The following FAM107B variants were observed in gnomAD, a reference collection of about 807,000 sequenced individuals.
The protein encoded by FAM107B is protein FAM107B.
A neutral mutation model predicts 31.5 loss-of-function variants in FAM107B; 21 were observed. The ratio of observed to expected loss-of-function variants is 0.67; its 90% CI spans 0.47 to 0.96. The LOEUF (loss-of-function observed/expected upper bound fraction) is 0.96. Among genes scored for constraint, FAM107B ranks in the 40% least tolerant of loss-of-function variants. FAM107B has a pLI of 0.00. For missense variants in FAM107B, 452 were observed against 377.1 expected (o/e 1.20, Z -1.64); for synonymous variants, 157 against 141.5 (o/e 1.11, Z -0.78).
Position 14,573,350 on chromosome 10 carries a change from T to C in FAM107B, c.470-42835A>G, listed in dbSNP as rs1851350414. Among the ~76,000 whole-genome samples the C allele has an allele frequency of 2.0e-5, 3 of 152,178 alleles. No individual in the cohort carries two copies. In the South Asian group the frequency reaches 6.2e-4, roughly 32 times the overall value. ...CCCTTCCTCTTTTGCCCTTCCACCT[T>C]CCACCATGGGATGATGCAGCAAGAA... On this transcript the variant is annotated intron_variant, in intron 2 of 4. Transcript: ENST00000181796.
At chr10:14,737,766 TTCTCTC>T (rs11276189) in intron 1 of FAM107B, among the ~76,000 whole-genome samples, 25 of 127,048 alleles carry the variant, frequency 2.0e-4, no homozygotes, top group East Asian at 2.6e-4. Flanking sequence ...CGTGCACGCT[TTCTCTC>T]TCTCTCTCTC....
rs140975059 is a variant in FAM107B at position 14,565,789 on chromosome 10, A to G, written c.470-35274T>C. Among the ~76,000 whole-genome samples, 229 of 152,314 alleles carry G rather than the reference A, an allele frequency of 1.5e-3. 1 individual carries two copies. Among genetic ancestry groups the G allele is most frequent in the African/African-American group, 5.2e-3 (216 of 41,576 alleles). On this transcript the variant is annotated intron_variant, in intron 2 of 4. Transcript: ENST00000181796. The stretch of plus-strand genomic sequence containing the variant: ...GAAGGGGAGGCTGCAAAGGAGGCTG[A>G]AGGGGATAATCGAGCGAGAGAAGGA...
intron 1 of FAM107B, among the ~76,000 whole-genome samples, chr10:14,669,001 G>C (rs1854475498): frequency 6.6e-6 from 1 of 152,144 alleles, no homozygotes. Context: ...AATTTGCCCT[G>C]AGTTTGCCAG....
intron 2 of FAM107B, among the ~76,000 whole-genome samples, chr10:14,635,986 G>A (rs193098221): frequency 2.0e-5 from 3 of 152,128 alleles, no homozygotes; most frequent in Non-Finnish European, 4.4e-5. Context: ...GTGGAGCCAG[G>A]TGCACAATGA....
intron 2 of FAM107B, among the ~76,000 whole-genome samples, chr10:14,661,224 T>C (rs141032807): frequency 1.4e-3 from 210 of 152,332 alleles, no homozygotes; most frequent in African/African-American, 4.8e-3. Context: ...TTTACAGCAA[T>C]GCAAGAACGG....
rs71505032 is a variant in FAM107B, at chr10:14,626,499, C to CTTTT, written c.469+41131_469+41134dup. 1.8e-3 allele frequency among the ~76,000 whole-genome samples: 193 copies of CTTTT among 109,002 alleles called. 20 individuals carry two copies. The highest frequency in any genetic ancestry group is 1.9e-3 in the Non-Finnish European group (105 of 55,854). The allele number at this position is 109,002 out of a possible 152,430, so 71.5% of individuals were successfully genotyped here. On this transcript the variant is annotated intron_variant, in intron 2 of 4. Transcript: ENST00000181796. ...ACAAACTGTGGAATTTGAGGCGGATCTTTTTTTTCTTTTTTTTTTTTTGAG... is the reference window on the plus strand; with the variant it reads ...ACAAACTGTGGAATTTGAGGCGGATCTTTTTTTTTTTTCTTTTTTTTTTTTTGAG...
chr10:14,531,539 G>GAAAAAA (rs59782461), intron 2 of FAM107B, among the ~76,000 whole-genome samples: 11 of 120,678 alleles, frequency 9.1e-5, no homozygotes, highest in Admixed American at 8.2e-5. Context: ...TAAAAGAAAA[G>GAAAAAA]AAAAAAAAAA....
intron 1 of FAM107B, among the ~76,000 whole-genome samples, chr10:14,762,324 C>T (rs1588763351): frequency 6.6e-6 from 1 of 152,198 alleles, no homozygotes; most frequent in African/African-American, 2.4e-5. Context: ...TAGTTAGTCA[C>T]TGAAGGACCC....
rs1208404765 is a variant in FAM107B at position 14,530,413 on chromosome 10, C to T, written c.572G>A (p.Arg191Lys). ...TACAGGATTGATCAGTTTCTGAGGCCTAATGAGTTCAGGATTGTCATCTTC... is the reference window on the plus strand; with the variant it reads ...TACAGGATTGATCAGTTTCTGAGGCTTAATGAGTTCAGGATTGTCATCTTC... ...YIEDDNPELIRPQKLINPVKT... is the reference protein window; with the variant it reads ...YIEDDNPELIKPQKLINPVKT... Residue 191 changes from arginine (R) to lysine (K), a missense_variant, in exon 3 of 5, where the codon AGG becomes AAG. Arg to Lys is a conservative substitution (Grantham distance 26). Transcript: ENST00000181796. 2.5e-6 allele frequency: 4 copies of T among 1,613,910 alleles called. No individual in the cohort carries two copies. In the Admixed American group the frequency reaches 6.7e-5, roughly 27 times the overall value.
intron 2 of FAM107B, among the ~76,000 whole-genome samples, chr10:14,589,412 T>C (rs1363917791): frequency 6.6e-6 from 1 of 152,230 alleles, no homozygotes; most frequent in Non-Finnish European, 1.5e-5. Flanking sequence ...TTATTATAGC[T>C]AGTGATTTCC....
At chr10:14,689,351 G>A (rs1486507029) in intron 1 of FAM107B, among the ~76,000 whole-genome samples, 2 of 144,322 alleles carry the variant, frequency 1.4e-5, no homozygotes, top group East Asian at 4.1e-4. Context: ...CTGCACTTTA[G>A]CCTGGGCAAC....
chr10:14,676,161 A>C (rs1474618591), intron 1 of FAM107B, among the ~76,000 whole-genome samples: 1 of 152,104 alleles, frequency 6.6e-6, no homozygotes, highest in Non-Finnish European at 1.5e-5. Flanking sequence ...TCTGTCTCAG[A>C]ATCAAAAACA....
intron 1 of FAM107B, among the ~76,000 whole-genome samples, chr10:14,735,587 G>A (rs1003620999): frequency 2.0e-5 from 3 of 152,204 alleles, no homozygotes; most frequent in Admixed American, 6.5e-5. Flanking sequence ...AAAAGATAGC[G>A]TGCTTTAGAA....
chr10:14,529,269 C>T (rs913161370), intron 3 of FAM107B, among the ~76,000 whole-genome samples: 1 of 152,148 alleles, frequency 6.6e-6, no homozygotes. Context: ...ATCTTATTTG[C>T]ATTCAATTTA....
At position 14,771,933 on chromosome 10, in the gene FAM107B, G is replaced by A. The variant is rs144342269; in HGVS notation, c.411+2320C>T. 2.4e-3 allele frequency among the ~76,000 whole-genome samples: 368 copies of A among 152,314 alleles called. 5 individuals are homozygous for A. Among genetic ancestry groups the A allele is most frequent in the African/African-American group, 8.7e-3 (362 of 41,562 alleles). Reference sequence around the variant, plus strand: ...TAGTAGAAGCACATTATAATTCAGAGGATGGACTTTGGAGTCAAACAGAAG... The same window carrying A: ...TAGTAGAAGCACATTATAATTCAGAAGATGGACTTTGGAGTCAAACAGAAG... On this transcript the variant is annotated intron_variant, in intron 1 of 4. Coordinates refer to ENST00000181796, the MANE Select transcript of FAM107B (RefSeq NM_031453.4).
In FAM107B at chr10:14,774,464, G is replaced by A; in HGVS notation, c.200C>T (p.Pro67Leu). 1 of 1,614,188 alleles carries A rather than the reference G, an allele frequency of 6.2e-7. No homozygotes were observed. Among genetic ancestry groups the A allele is most frequent in the Non-Finnish European group, 8.5e-7 (1 of 1,180,028 alleles). The change falls in exon 1 of 5, where the codon CCA (proline) becomes CTA (leucine). Residue 67 changes from proline (P) to leucine (L), a missense_variant. Pro to Leu is a moderately conservative substitution (Grantham distance 98, BLOSUM62 -3). Coordinates refer to ENST00000181796, the MANE Select transcript of FAM107B (RefSeq NM_031453.4). Reference protein sequence around the residue: ...VAKAGRQPRHPSAEGAPEKRQ... With the variant: ...VAKAGRQPRHLSAEGAPEKRQ... ...TTTCTCTGGAGCTCCTTCTGCGCTT[G>A]GGTGTCTTGGCTGTCTGCCTGCTTT...
rs867464547 is a variant in FAM107B at position 14,694,425 on chromosome 10, C to A, written c.412-26734G>T. On this transcript the variant is annotated intron_variant, in intron 1 of 4. Transcript: ENST00000181796. ...TGAGATGGAGTTTTGCTCTTGTTGC[C>A]CAGGCTGGAGTGCAGTGGTGTGATC... Among the ~76,000 whole-genome samples, 4 of 152,092 alleles carry A rather than the reference C, an allele frequency of 2.6e-5. No individual in the cohort carries two copies. In the South Asian group the frequency reaches 8.3e-4, roughly 32 times the overall value.
At chr10:14,670,792 G>C (rs1854521765) in intron 1 of FAM107B, among the ~76,000 whole-genome samples, 1 of 152,210 alleles carries the variant, frequency 6.6e-6, no homozygotes. Flanking sequence ...AAATGCTCTT[G>C]GTTGGAGAGC....
chr10:14,767,053 TATAGAGAGAGAGAG>T (rs1345241360), intron 1 of FAM107B, among the ~76,000 whole-genome samples: 4 of 26,412 alleles, frequency 1.5e-4, no homozygotes, highest in African/African-American at 3.8e-4. Context: ...TATATATATA[TATAGAGAGAGAGAG>T]AGAGAGAGAG....
Sources: allele counts gnomAD v4.1 joint callset (sites outside exome capture counted in the v4.1 genomes callset), GRCh38; gene constraint gnomAD v4.1.1; transcripts MANE v1.5; gene names NCBI Gene and HGNC (gene_info 2026-07-23, HGNC 2026-07-21).